SNHG17: variants seen among roughly 807,000 people sequenced by gnomAD.
SNHG17 encodes small nucleolar RNA host gene 17 (non-protein coding).
chr20:38,431,520 C>T, intron 2 of SNHG17, among the ~76,000 whole-genome samples: 1 of 152,202 alleles, frequency 6.6e-6, no homozygotes, highest in Non-Finnish European at 1.5e-5. Flanking sequence ...TCTTGTCCCA[C>T]ATAAACGGAA....
chr20:38,432,688 T>TA, intron 2 of SNHG17, among the ~76,000 whole-genome samples: 1 of 152,296 alleles, frequency 6.6e-6, no homozygotes, highest in Non-Finnish European at 1.5e-5. Flanking sequence ...CCTGTCACCT[T>TA]ACAACTGAAG....
chr20:38,434,447 C>T (rs2084396256), intron 2 of SNHG17: 2 of 179,322 alleles, frequency 1.1e-5, no homozygotes, highest in Non-Finnish European at 2.4e-5. Context: ...ACTGTCCCCT[C>T]TACTGCGTCC....
chr20:38,421,118 T>C, intron 6 of SNHG17: 1 of 152,308 alleles, frequency 6.6e-6, no homozygotes, highest in African/African-American at 2.4e-5. Flanking sequence ...TAAGAAAGCA[T>C]ACAAGTATTT....
At chr20:38,433,131 C>A (rs879933803) in intron 2 of SNHG17, among the ~76,000 whole-genome samples, 2 of 152,132 alleles carry the variant, frequency 1.3e-5, no homozygotes, top group South Asian at 4.1e-4. Context: ...TGTGCCACCA[C>A]ACCTAGGTAA....
At chr20:38,434,970 G>T in intron 1 of SNHG17, 1 of 1,229,086 alleles carries the variant, frequency 8.1e-7, no homozygotes. Context: ...GCGGACAGGG[G>T]GTCTGACGAC....
chr20:38,432,245 T>C, intron 2 of SNHG17: 1 of 831,098 alleles, frequency 1.2e-6, no homozygotes, highest in Non-Finnish European at 1.5e-6. Context: ...AGAGTTCATC[T>C]AGAGAAGAAC....
rs759952066 is a variant in SNHG17 at position 38,427,408 on chromosome 20, G to A, written n.381-905C>T. The A allele has an allele frequency of 1.7e-5, 9 of 518,526 alleles. 1 individual carries two copies. The highest frequency in any genetic ancestry group is 1.3e-4 in the South Asian group (9 of 71,508). 32.1% of individuals were successfully genotyped at this position (518,526 alleles called of 1,614,324 possible). ...TCTCCCTGCACTATCAATGACCTAG[G>A]CACAGGCAGCCTATGATCACTTTCG... On this transcript the variant is annotated intron_variant and non_coding_transcript_variant, in intron 3 of 8. Transcript: ENST00000654008.
At chr20:38,426,819 G>A (rs1245333704) in intron 3 of SNHG17, among the ~76,000 whole-genome samples, 2 of 150,714 alleles carry the variant, frequency 1.3e-5, no homozygotes, top group African/African-American at 4.9e-5. Context: ...GAGAACAGGC[G>A]AAACTCTTGG....
rs765781057 is a variant in SNHG17, at chr20:38,426,995, TACACACAC to T, written n.381-500_381-493del. Among the ~76,000 whole-genome samples the T allele has an allele frequency of 2.0e-3, 249 of 125,644 alleles. 11 individuals are homozygous for T. Among genetic ancestry groups the T allele is most frequent in the East Asian group, 0.017 (66 of 3,862 alleles). 82.4% of individuals were successfully genotyped at this position (125,644 alleles called of 152,430 possible). On this transcript the variant is annotated intron_variant and non_coding_transcript_variant, in intron 3 of 8. Coordinates refer to ENST00000654008, the Ensembl canonical transcript of SNHG17. ...CCCTATCCTGTCCCCAAGTTACACA[TACACACAC>T]ACACACACACACACACACACACACA...
intron 3 of SNHG17, chr20:38,428,044 G>A (rs2122707679): frequency 2.0e-5 from 3 of 152,380 alleles, no homozygotes; most frequent in Non-Finnish European, 4.4e-5. Context: ...TGAGGAAGCT[G>A]GCACAGGGAT....
intron 5 of SNHG17, chr20:38,425,119 C>A: frequency 2.2e-6 from 1 of 446,032 alleles, no homozygotes; most frequent in Admixed American, 2.2e-5. Flanking sequence ...GAACCTGGTG[C>A]CATCCCTAAT....
At chr20:38,433,476 T>C (rs2084371109) in intron 2 of SNHG17, among the ~76,000 whole-genome samples, 1 of 152,192 alleles carries the variant, frequency 6.6e-6, no homozygotes, top group East Asian at 1.9e-4. Context: ...AGACCCTGTC[T>C]GTCCCAGCTA....
intron 5 of SNHG17, chr20:38,425,931 G>C: frequency 1.3e-5 from 2 of 152,376 alleles, no homozygotes. Context: ...GCAGCAGCAC[G>C]TACCTGTGGT....
Position 38,434,911 on chromosome 20 carries a change from C to T in SNHG17, n.186-285G>A, listed in dbSNP as rs755739813. On this transcript the variant is annotated intron_variant and non_coding_transcript_variant, in intron 1 of 8. Transcript: ENST00000654008. Reference sequence around the variant, plus strand: ...GGGCGGGCAGCTAAAGTCGCCGAGCCCTGTTTCCCGCCATCCAGGGGCACT... The same window carrying T: ...GGGCGGGCAGCTAAAGTCGCCGAGCTCTGTTTCCCGCCATCCAGGGGCACT... The T allele has an allele frequency of 2.7e-4, 333 of 1,220,410 alleles. 1 individual carries two copies. The highest frequency in any genetic ancestry group is 3.3e-4 in the Non-Finnish European group (329 of 982,746). 75.6% of individuals were successfully genotyped at this position (1,220,410 alleles called of 1,614,324 possible).
intron 2 of SNHG17, among the ~76,000 whole-genome samples, chr20:38,433,462 A>G (rs1349814755): frequency 6.6e-6 from 1 of 152,152 alleles, no homozygotes; most frequent in Non-Finnish European, 1.5e-5. Flanking sequence ...TGGGCAACAT[A>G]GCGAGACCCT....
chr20:38,425,649 C>T (rs925832233), intron 5 of SNHG17, among the ~76,000 whole-genome samples: 4 of 152,118 alleles, frequency 2.6e-5, no homozygotes, highest in Non-Finnish European at 5.9e-5. Flanking sequence ...GTTCTGGGAC[C>T]ACAGTTTGAG....
intron 1 of SNHG17, chr20:38,434,962 GGACAGGGGGTC>G: frequency 8.1e-7 from 1 of 1,228,544 alleles, no homozygotes. Flanking sequence ...GTAGCTGCGC[GGACAGGGGGTC>G]TGACGACCGC....
intron 3 of SNHG17, chr20:38,429,733 T>C (rs756031358): frequency 1.9e-6 from 1 of 514,760 alleles, no homozygotes; most frequent in Non-Finnish European, 3.9e-6. Flanking sequence ...GGAAGTGCTC[T>C]CGGCAGTTCC....
At chr20:38,423,311 C>T (rs763059576) in intron 5 of SNHG17, among the ~76,000 whole-genome samples, 2 of 149,604 alleles carry the variant, frequency 1.3e-5, no homozygotes, top group Admixed American at 6.6e-5. Flanking sequence ...GTGGGAGGGT[C>T]ACTTAAGCCC....
Sources: gnomAD v4.1 joint callset for allele counts (sites outside exome capture counted in the v4.1 genomes callset) on GRCh38, gnomAD v4.1.1 for gene constraint, MANE v1.5 for transcripts, NCBI Gene and HGNC (gene_info 2026-07-23, HGNC 2026-07-21) for gene names.